CD72: variants seen among roughly 807,000 people sequenced by gnomAD.
The protein encoded by CD72 is CD72 molecule.
CD72 carries 28 observed loss-of-function variants against 50.7 expected under a neutral mutation model. That is an observed-to-expected ratio of 0.55 (90% CI 0.41 to 0.76). CD72 has a LOEUF of 0.76. Among genes scored for constraint, CD72 ranks in the 30% least tolerant of loss-of-function variants. CD72 has a pLI of 0.00. For synonymous variants in CD72, 176 were observed against 171.2 expected, an observed-to-expected ratio of 1.03 and a Z score of -0.22; for missense variants, 403 against 420.6, an observed-to-expected ratio of 0.96 and a Z score of 0.37.
At chr9:35,617,974 C>T (rs1823093638) in intron 2 of CD72, 40 bp downstream of exon 2, 2 of 1,197,068 alleles carry the variant, frequency 1.7e-6, no homozygotes, top group Admixed American at 1.7e-5. Context: ...GCTCAAGACA[C>T]AGCCCCCCAA....
intron 5 of CD72, among the ~76,000 whole-genome samples, chr9:35,613,868 C>A (rs1823028863): frequency 6.6e-6 from 1 of 152,008 alleles, no homozygotes; most frequent in Admixed American, 6.6e-5. Context: ...ACCCAGGCAC[C>A]ATGGCGCATG....
chr9:35,618,024 C>G lies in CD72; in HGVS notation c.180G>C (p.Gly60=). The change falls in exon 2 of 9, where the codon GGG becomes GGC. Residue 60 remains glycine, a synonymous_variant. Transcript: ENST00000259633. ...CCAGGCTCTCCAGACCTGCTTTGTC[C>G]CCTAGTACAGAAGAAGCCAAGCTTG... is the stretch of plus-strand genomic sequence containing the variant. ...VPSSLASSVL[G]DKAAVKSEQP... 1 of 1,606,724 alleles carries G rather than the reference C, an allele frequency of 6.2e-7. No individual in the cohort carries two copies. Among genetic ancestry groups the G allele is most frequent in the East Asian group, 2.2e-5 (1 of 44,858 alleles).
intron 5 of CD72, 21 bp from the exon 6 acceptor site, chr9:35,613,014 G>A (rs1211595003): frequency 1.9e-6 from 3 of 1,596,308 alleles, no homozygotes; most frequent in African/African-American, 2.7e-5. Context: ...GAAAGAGTGT[G>A]ATAGCAGCAA....
At chr9:35,618,952 T>TG, upstream of CD72, 2 of 343,374 alleles carry the variant, frequency 5.8e-6, no homozygotes, top group Non-Finnish European at 1.2e-5. Context: ...TGCACCCTCA[T>TG]GGGGAGCCAG....
chr9:35,631,800 G>A (rs1823248481), intron 1 of CD72, among the ~76,000 whole-genome samples: 1 of 152,198 alleles, frequency 6.6e-6, no homozygotes, highest in Non-Finnish European at 1.5e-5. Context: ...TGAGGCAGGA[G>A]AATGGCGTGA....
At chr9:35,636,552 C>T (rs111834519) in intron 1 of CD72, among the ~76,000 whole-genome samples, 2,412 of 152,296 alleles carry the variant, frequency 0.016, 27 homozygotes, top group Middle Eastern at 0.024. Context: ...CAAAACCAAG[C>T]TGGAAGTTTA....
chr9:35,611,888 G>T lies in CD72; in HGVS notation c.866C>A (p.Pro289Gln), dbSNP rs1274504102. The change falls in exon 7 of 9, where the codon CCA becomes CAA. Residue 289 changes from proline to glutamine, a missense_variant. By Grantham distance (76) the Pro-to-Gln change is moderately conservative (BLOSUM62 -1). Transcript: ENST00000259633. ...ATATGAATTCCCTGAACCACCATTT[G>T]GCAACAGTGAATTTAAGAAGTAGTA... The part of the protein sequence containing the change: ...HSYYFLNSLL[P>Q]NGGSGNSYWT... 6.2e-7 allele frequency: 1 copy of T among 1,609,258 alleles called. No individual in the cohort carries two copies. Among genetic ancestry groups the T allele is most frequent in the Admixed American group, 1.7e-5 (1 of 60,014 alleles).
chr9:35,617,173 C>T lies in CD72; in HGVS notation c.262+3G>A, dbSNP rs1256865483. ...CGCGGCTGCCCCGCACAGGCACACT[C>T]ACAGGGGAGAATCCGCCCGACAGCT... is the stretch of plus-strand genomic sequence containing the variant. On this transcript the variant is annotated splice_donor_region_variant and intron_variant, in intron 3 of 8. Transcript: ENST00000259633. 4.5e-6 allele frequency: 7 copies of T among 1,561,306 alleles called. No individual in the cohort carries two copies. The African/African-American group carries it at 9.5e-5, about 21-fold the overall frequency.
chr9:35,616,690 C>T lies in CD72; in HGVS notation c.263-1G>A. 2 of 1,612,468 alleles carry T rather than the reference C, an allele frequency of 1.2e-6. No individual in the cohort carries two copies. The highest frequency in any genetic ancestry group is 1.7e-6 in the Non-Finnish European group (2 of 1,179,306). ...AGGTATCGCAGGCAGGTTGTGCGGC[C>T]TTAGGGGGACAGTGGGATGGATGAG... On this transcript the variant is annotated splice_acceptor_variant, in intron 3 of 8. Coordinates refer to ENST00000259633, the MANE Select transcript of CD72 (RefSeq NM_001782.3). LOFTEE classifies it high-confidence loss of function.
chr9:35,616,985 G>GC (rs1214369191), intron 3 of CD72, 191 bp downstream of exon 3: 2 of 1,443,476 alleles, frequency 1.4e-6, no homozygotes, highest in Non-Finnish European at 9.1e-7. Context: ...GGGACCATCC[G>GC]CAGGGGGGCG....
chr9:35,618,768 G>A (rs546955671), upstream of CD72: 22 of 1,288,516 alleles, frequency 1.7e-5, no homozygotes, highest in African/African-American at 2.3e-4. Flanking sequence ...GCTCCAGGGT[G>A]AGGCTCCGTT....
chr9:35,620,471 C>CA (rs1043285697), upstream of CD72, among the ~76,000 whole-genome samples: 10,473 of 112,814 alleles, frequency 0.093, 456 homozygotes, highest in African/African-American at 0.14. Flanking sequence ...GCTCCATCTC[C>CA]AAAAAAAAAA....
intron 1 of CD72, among the ~76,000 whole-genome samples, chr9:35,624,944 G>A (rs1414488658): frequency 6.6e-6 from 1 of 152,130 alleles, no homozygotes; most frequent in South Asian, 2.1e-4. Flanking sequence ...CTGCTCCACT[G>A]ACTGGCTATT....
chr9:35,621,156 T>A (rs985613702), upstream of CD72, among the ~76,000 whole-genome samples: 1 of 152,216 alleles, frequency 6.6e-6, no homozygotes, highest in African/African-American at 2.4e-5. Context: ...ATCAGGGAAC[T>A]TTTAAGAGGT....
At chr9:35,615,264 G>C (rs566237401) in intron 5 of CD72, among the ~76,000 whole-genome samples, 3 of 152,264 alleles carry the variant, frequency 2.0e-5, no homozygotes, top group African/African-American at 7.2e-5. Flanking sequence ...GCTAGACAGA[G>C]CCTAAACCTG....
In CD72 at chr9:35,616,151, G is replaced by C. The variant is rs756829011; in HGVS notation, c.480C>G (p.Ser160=). 2 of 1,613,960 alleles carry C rather than the reference G, an allele frequency of 1.2e-6. No homozygotes were observed. The highest frequency in any genetic ancestry group is 2.7e-5 in the African/African-American group (2 of 74,894). ...CCTGACTCTGCGCCAGCTCTCTCCT[G>C]GACCCCTGCAGATCCTCTGCACTCT... ...LGQSAEDLQG[S]RRELAQSQEA... The change falls in exon 5 of 9, where the codon TCC becomes TCG. Residue 160 remains serine (S), a synonymous_variant. Coordinates refer to ENST00000259633, the MANE Select transcript of CD72 (RefSeq NM_001782.3).
chr9:35,617,383 A>G (rs1363979827), intron 2 of CD72, 136 bp from the exon 3 acceptor site: 5 of 947,218 alleles, frequency 5.3e-6, no homozygotes, highest in Non-Finnish European at 7.7e-6. Flanking sequence ...TCTGGGACAC[A>G]GTGTCACTCT....
intron 1 of CD72, among the ~76,000 whole-genome samples, chr9:35,640,267 A>C (rs144217983): frequency 6.6e-6 from 1 of 152,216 alleles, no homozygotes; most frequent in African/African-American, 2.4e-5. Flanking sequence ...CTTCTGAACA[A>C]CTAGCTATAA....
upstream of CD72, among the ~76,000 whole-genome samples, chr9:35,619,173 C>G (rs887406905): frequency 6.6e-6 from 1 of 152,198 alleles, no homozygotes; most frequent in African/African-American, 2.4e-5. Flanking sequence ...CCCTTCCCAC[C>G]CAGCCCCAAG....
Sources: allele counts gnomAD v4.1 joint callset (sites outside exome capture counted in the v4.1 genomes callset), GRCh38; gene constraint gnomAD v4.1.1; transcripts MANE v1.5; gene names NCBI Gene and HGNC (gene_info 2026-07-23, HGNC 2026-07-21).